Variants in ALK observed in about 807,000 individuals in gnomAD.
The protein encoded by ALK is ALK tyrosine kinase receptor.
In ALK, 74 loss-of-function variants were observed where a neutral mutation model predicts 163.1. That is an observed-to-expected ratio of 0.45 (90% CI 0.38 to 0.55). The LOEUF (loss-of-function observed/expected upper bound fraction) is 0.55. Among genes scored for constraint, ALK ranks in the 20% least tolerant of loss-of-function variants. The pLI is 0.00. For missense variants in ALK, 2,063 were observed against 2,105.3 expected (o/e 0.98, Z 0.39); for synonymous variants, 960 against 843.2 (o/e 1.14, Z -2.40).
chr2:29,464,850 C>G (rs1006160494), intron 4 of ALK, among the ~76,000 whole-genome samples: 1 of 151,992 alleles, frequency 6.6e-6, no homozygotes, highest in African/African-American at 2.4e-5. Context: ...GTTGAGAAAC[C>G]TTGTTGTAGA....
chr2:29,198,405 G>C (rs1286407087), intron 26 of ALK, among the ~76,000 whole-genome samples: 2 of 152,032 alleles, frequency 1.3e-5, no homozygotes, highest in African/African-American at 4.8e-5. Flanking sequence ...CAAAACCTAG[G>C]AGTCATCCTT....
intron 3 of ALK, among the ~76,000 whole-genome samples, chr2:29,643,182 G>C (rs1160577948): frequency 6.6e-6 from 1 of 151,994 alleles, no homozygotes; most frequent in Non-Finnish European, 1.5e-5. Flanking sequence ...GGTCATGGTG[G>C]GTTTGAAATA....
At chr2:29,819,941 C>A (rs1407278771) in intron 1 of ALK, among the ~76,000 whole-genome samples, 1 of 152,240 alleles carries the variant, frequency 6.6e-6, no homozygotes, top group African/African-American at 2.4e-5. Context: ...TTCCCATATT[C>A]ATTTGGCACA....
Position 29,853,604 on chromosome 2 carries a change from C to T in ALK, c.667+66389G>A, listed in dbSNP as rs11886603. Among the ~76,000 whole-genome samples the T allele has an allele frequency of 5.4e-3, 816 of 152,314 alleles. 4 individuals are homozygous for T. Among genetic ancestry groups the T allele is most frequent in the African/African-American group, 0.019 (779 of 41,570 alleles). On this transcript the variant is annotated intron_variant, in intron 1 of 28. Coordinates refer to ENST00000389048, the MANE Select transcript of ALK (RefSeq NM_004304.5). ...TCCCACCTCTGCTCTCCCTACCTAC[C>T]ACTCTCCATGCAGTCTTCTTAACAC...
intron 26 of ALK, among the ~76,000 whole-genome samples, chr2:29,201,177 T>G (rs1171228866): frequency 6.6e-6 from 1 of 152,124 alleles, no homozygotes; most frequent in Non-Finnish European, 1.5e-5. Context: ...AATTAATATC[T>G]TTAAATGTCC....
chr2:29,823,079 T>C lies in ALK; in HGVS notation c.667+96914A>G, dbSNP rs541434038. On this transcript the variant is annotated intron_variant, in intron 1 of 28. Coordinates refer to ENST00000389048, the MANE Select transcript of ALK (RefSeq NM_004304.5). Reference sequence around the variant, plus strand: ...GAATCATGGGGGCAAGTCTTTCCCATGCTGTTCTCCTGATAGTGAATAAGT... The same window carrying C: ...GAATCATGGGGGCAAGTCTTTCCCACGCTGTTCTCCTGATAGTGAATAAGT... 5.9e-5 allele frequency among the ~76,000 whole-genome samples: 9 copies of C among 152,322 alleles called. No homozygotes were observed. In the East Asian group the frequency reaches 1.7e-3, roughly 29 times the overall value.
intron 3 of ALK, among the ~76,000 whole-genome samples, chr2:29,561,204 T>C (rs567419459): frequency 2.6e-5 from 4 of 152,310 alleles, no homozygotes; most frequent in South Asian, 2.1e-4. Flanking sequence ...TATATTTCTA[T>C]TGGGCAGCAC....
intron 1 of ALK, among the ~76,000 whole-genome samples, chr2:29,765,730 G>A (rs1433713219): frequency 1.3e-5 from 2 of 152,016 alleles, no homozygotes; most frequent in African/African-American, 4.8e-5. Context: ...TCATCAACAA[G>A]TAGTGCTCAG....
Position 29,643,948 on chromosome 2 carries a change from C to T in ALK, c.952+50902G>A, listed in dbSNP as rs567456965. 1.2e-3 allele frequency among the ~76,000 whole-genome samples: 185 copies of T among 152,112 alleles called. 3 individuals are homozygous for T. Among genetic ancestry groups the T allele is most frequent in the Admixed American group, 3.5e-3 (54 of 15,260 alleles). The stretch of plus-strand genomic sequence containing the variant: ...ATGCTGCTATAAAGACACATGCACA[C>T]GTATGTTTATTGTGGCACTATTCAC... On this transcript the variant is annotated intron_variant, in intron 3 of 28. Coordinates refer to ENST00000389048, the MANE Select transcript of ALK (RefSeq NM_004304.5).
intron 5 of ALK, among the ~76,000 whole-genome samples, chr2:29,340,635 T>C (rs1364174319): frequency 1.1e-4 from 16 of 152,198 alleles, no homozygotes. Flanking sequence ...ATGTTCTAGG[T>C]CCTGTACTCA....
At chr2:29,194,649 ACCCCACCCCCCCACCC>A (rs370979482) in intron 28 of ALK, among the ~76,000 whole-genome samples, 11 of 100,994 alleles carry the variant, frequency 1.1e-4, no homozygotes, top group Admixed American at 5.1e-4. Flanking sequence ...ACAGGCATGC[ACCCCACCCCCCCACCC>A]CCCCACCCCC....
chr2:29,816,679 G>C (rs1664906931), intron 1 of ALK, among the ~76,000 whole-genome samples: 1 of 152,182 alleles, frequency 6.6e-6, no homozygotes, highest in South Asian at 2.1e-4. Context: ...GTCCCCCTTG[G>C]TTTCTAGCCA....
At chr2:29,711,774 T>C (rs1407900461) in intron 2 of ALK, among the ~76,000 whole-genome samples, 1 of 152,006 alleles carries the variant, frequency 6.6e-6, no homozygotes, top group East Asian at 1.9e-4. Context: ...GACCCCTACT[T>C]TTGTGTCTTT....
At chr2:29,258,434 A>G (rs1336839461) in intron 11 of ALK, among the ~76,000 whole-genome samples, 1 of 152,230 alleles carries the variant, frequency 6.6e-6, no homozygotes, top group Non-Finnish European at 1.5e-5. Context: ...CTCATACATT[A>G]GTTGGAATAT....
intron 5 of ALK, among the ~76,000 whole-genome samples, chr2:29,346,527 G>T (rs931045368): frequency 6.6e-6 from 1 of 152,228 alleles, no homozygotes; most frequent in Non-Finnish European, 1.5e-5. Context: ...CCAGGCTGGG[G>T]CGAGGTTTCT....
intron 3 of ALK, among the ~76,000 whole-genome samples, chr2:29,627,025 C>A (rs1032910265): frequency 5.3e-5 from 8 of 152,098 alleles, no homozygotes; most frequent in African/African-American, 1.9e-4. Flanking sequence ...TTCTAGGAGC[C>A]TGGTTGCAGT....
chr2:29,672,730 T>C (rs1201391281), intron 3 of ALK, among the ~76,000 whole-genome samples: 1 of 152,096 alleles, frequency 6.6e-6, no homozygotes, highest in African/African-American at 2.4e-5. Context: ...TTTCTACTTC[T>C]AGATCCCTGA....
chr2:29,217,265 GT>G (rs991970288), intron 23 of ALK, among the ~76,000 whole-genome samples: 1 of 148,578 alleles, frequency 6.7e-6, no homozygotes, highest in Non-Finnish European at 1.5e-5. Context: ...TGTGTGGTGT[GT>G]TTTTTGTGTG....
intron 3 of ALK, among the ~76,000 whole-genome samples, chr2:29,621,100 AG>A (rs1230539845): frequency 1.3e-5 from 2 of 152,136 alleles, no homozygotes; most frequent in Admixed American, 6.5e-5. Flanking sequence ...TTTCCAAAGG[AG>A]GGGGAGAGAT....
Sources: gnomAD v4.1 joint callset for allele counts (sites outside exome capture counted in the v4.1 genomes callset) on GRCh38, gnomAD v4.1.1 for gene constraint, MANE v1.5 for transcripts, NCBI Gene and HGNC (gene_info 2026-07-23, HGNC 2026-07-21) for gene names.